The following LRBA variants were observed in gnomAD, a reference collection of about 807,000 sequenced individuals.
LRBA encodes LPS responsive beige-like anchor protein, also known as lipopolysaccharide-responsive and beige-like anchor protein.
A neutral mutation model predicts 330.0 loss-of-function variants in LRBA; 176 were observed. The ratio of observed to expected loss-of-function variants is 0.53; its 90% CI spans 0.47 to 0.60. The LOEUF (loss-of-function observed/expected upper bound fraction) is 0.60, where lower values mean the gene tolerates loss of function less well. LRBA is among the 20% of genes least tolerant of loss of function. The probability of loss-of-function intolerance (pLI) is 0.00; values close to 1 mark genes in which losing one functional copy is unlikely to be tolerated. For missense variants in LRBA, 3,259 were observed against 3,444.8 expected, an observed-to-expected ratio of 0.95 and a Z score of 1.35; for synonymous variants, 1,230 against 1,193.0, an observed-to-expected ratio of 1.03 and a Z score of -0.64.
intron 37 of LRBA, among the ~76,000 whole-genome samples, chr4:150,621,608 C>A (rs563902742): frequency 2.0e-5 from 3 of 152,258 alleles, no homozygotes; most frequent in South Asian, 4.1e-4. Context: ...ATAATCTTTA[C>A]CTCCCTAACA....
intron 2 of LRBA, among the ~76,000 whole-genome samples, chr4:150,972,136 T>C (rs1409689177): frequency 6.6e-6 from 1 of 152,166 alleles, no homozygotes; most frequent in African/African-American, 2.4e-5. Context: ...AACCAGCCTT[T>C]GCAAGAGCTT....
At chr4:150,577,555 T>C (rs1254825498) in intron 40 of LRBA, among the ~76,000 whole-genome samples, 1 of 152,066 alleles carries the variant, frequency 6.6e-6, no homozygotes, top group Non-Finnish European at 1.5e-5. Flanking sequence ...TGGTCCTTTG[T>C]TTTCCAAAAA....
chr4:150,629,788 G>T (rs185120857), intron 37 of LRBA, among the ~76,000 whole-genome samples: 58 of 152,168 alleles, frequency 3.8e-4, no homozygotes, highest in African/African-American at 1.4e-3. Flanking sequence ...TGGCCAACAT[G>T]ATGAAACTCC....
chr4:150,442,893 G>C (rs1341638674), intron 44 of LRBA, among the ~76,000 whole-genome samples: 1 of 152,138 alleles, frequency 6.6e-6, no homozygotes, highest in Non-Finnish European at 1.5e-5. Flanking sequence ...TTCTTGATTA[G>C]GGAATAATGA....
At chr4:150,638,609 T>C (rs997594680) in intron 37 of LRBA, among the ~76,000 whole-genome samples, 8 of 151,482 alleles carry the variant, frequency 5.3e-5, no homozygotes, top group South Asian at 4.2e-4. Context: ...AAAATGCTCA[T>C]CATCACTGGC....
intron 35 of LRBA, among the ~76,000 whole-genome samples, chr4:150,745,568 T>TG (rs1222135271): frequency 6.6e-6 from 1 of 152,140 alleles, no homozygotes; most frequent in Non-Finnish European, 1.5e-5. Context: ...CAGGCTGGAG[T>TG]GCAGTGGCAC....
At chr4:150,414,636 G>A (rs992991105) in intron 47 of LRBA, among the ~76,000 whole-genome samples, 6 of 151,932 alleles carry the variant, frequency 3.9e-5, no homozygotes, top group Non-Finnish European at 2.9e-5. Flanking sequence ...GATTACAGGC[G>A]CCTGCCACCA....
At chr4:150,456,052 T>C (rs75331061) in intron 44 of LRBA, among the ~76,000 whole-genome samples, 122 of 152,308 alleles carry the variant, frequency 8.0e-4, no homozygotes, top group African/African-American at 2.9e-3. Flanking sequence ...AGCACCATAT[T>C]TTCTTTATTC....
intron 43 of LRBA, among the ~76,000 whole-genome samples, chr4:150,469,325 C>T (rs1413604102): frequency 1.3e-5 from 2 of 152,068 alleles, no homozygotes; most frequent in African/African-American, 2.4e-5. Flanking sequence ...ACTCCATCCT[C>T]TAATGCACAT....
At chr4:150,378,922 T>A (rs949103343) in intron 47 of LRBA, among the ~76,000 whole-genome samples, 1 of 152,214 alleles carries the variant, frequency 6.6e-6, no homozygotes, top group African/African-American at 2.4e-5. Context: ...CTATTATTTA[T>A]GTAATAATAA....
chr4:150,996,742 CTTATA>C (rs1742689175), intron 2 of LRBA, among the ~76,000 whole-genome samples: 1 of 152,118 alleles, frequency 6.6e-6, no homozygotes, highest in Admixed American at 6.6e-5. Flanking sequence ...AAGAACACAA[CTTATA>C]TTAATAATCA....
intron 47 of LRBA, among the ~76,000 whole-genome samples, chr4:150,375,022 T>C (rs923541489): frequency 6.6e-6 from 1 of 152,174 alleles, no homozygotes; most frequent in East Asian, 1.9e-4. Context: ...ACAAACTATT[T>C]TGAGAAACCT....
chr4:150,963,216 C>T (rs1276526218), intron 2 of LRBA, among the ~76,000 whole-genome samples: 2 of 148,492 alleles, frequency 1.3e-5, no homozygotes, highest in Middle Eastern at 3.2e-3. Flanking sequence ...CCCCTTTGCA[C>T]GGTCTCCCTC....
At chr4:150,810,409 T>G (rs909961736) in intron 31 of LRBA, among the ~76,000 whole-genome samples, 3 of 136,158 alleles carry the variant, frequency 2.2e-5, no homozygotes, top group African/African-American at 8.2e-5. Context: ...TCCCATTCCC[T>G]TGATAATCAA....
chr4:150,799,046 T>C (rs1344827818), intron 33 of LRBA, among the ~76,000 whole-genome samples: 2 of 152,152 alleles, frequency 1.3e-5, no homozygotes, highest in African/African-American at 2.4e-5. Flanking sequence ...ATTCCCTTTG[T>C]CTTTTTATTC....
chr4:150,451,564 G>A (rs1753345527), intron 44 of LRBA, among the ~76,000 whole-genome samples: 1 of 152,062 alleles, frequency 6.6e-6, no homozygotes, highest in South Asian at 2.1e-4. Context: ...AGTGCTTTGA[G>A]AAAAATTTGT....
intron 46 of LRBA, among the ~76,000 whole-genome samples, chr4:150,430,256 ACTCTGGGC>A (rs1750195739): frequency 6.6e-6 from 1 of 152,082 alleles, no homozygotes; most frequent in Non-Finnish European, 1.5e-5. Flanking sequence ...GACTGCTTCC[ACTCTGGGC>A]CATAGACAAG....
chr4:150,603,820 T>A (rs1158193787), intron 37 of LRBA, among the ~76,000 whole-genome samples: 2 of 152,230 alleles, frequency 1.3e-5, no homozygotes, highest in South Asian at 2.1e-4. Context: ...TTTTAATACA[T>A]AGAATATATG....
intron 37 of LRBA, among the ~76,000 whole-genome samples, chr4:150,622,688 C>CTTTT (rs10528461): frequency 5.7e-5 from 6 of 105,662 alleles, no homozygotes; most frequent in African/African-American, 2.1e-4. Context: ...CTAAATCAAT[C>CTTTT]TTTTTTTTTT....
Sources: gnomAD v4.1 joint callset for allele counts (sites outside exome capture counted in the v4.1 genomes callset) on GRCh38, gnomAD v4.1.1 for gene constraint, MANE v1.5 for transcripts, NCBI Gene and HGNC (gene_info 2026-07-23, HGNC 2026-07-21) for gene names.